Variants in ACE observed in about 807,000 individuals in gnomAD.
The protein encoded by ACE is angiotensin-converting enzyme.
A neutral mutation model predicts 162.3 loss-of-function variants in ACE; 122 were observed. That is an observed-to-expected ratio of 0.75 (90% CI 0.65 to 0.87). ACE has a LOEUF of 0.87. Ranked by LOEUF, ACE falls within the 40% of genes least tolerant of loss-of-function variation. ACE has a pLI of 0.00. For synonymous variants in ACE, 796 were observed against 720.6 expected (o/e 1.10, Z -1.68); for missense variants, 1,799 against 1,735.1 (o/e 1.04, Z -0.65).
At chr17:63,481,810 C>T (rs1170383609) in intron 7 of ACE, 72 bp downstream of exon 7, 37 of 1,600,516 alleles carry the variant, frequency 2.3e-5, no homozygotes, top group Middle Eastern at 1.7e-4. Flanking sequence ...GCAGCCCAGG[C>T]GCAGGGAAGC....
Position 63,497,455 on chromosome 17 carries a change from A to C in ACE, c.*89A>C. ...GTGGGCAGCTGAGGACACACCCCACACCCCAGCCCACCCTGCTCCTCCTGC... is the reference window on the plus strand; with the variant it reads ...GTGGGCAGCTGAGGACACACCCCACCCCCCAGCCCACCCTGCTCCTCCTGC... On this transcript the variant is annotated 3_prime_UTR_variant, in exon 25 of 25. Coordinates refer to ENST00000290866, the MANE Select transcript of ACE (RefSeq NM_000789.4). 8.8e-7 allele frequency: 1 copy of C among 1,136,612 alleles called. No homozygotes were observed. The highest frequency in any genetic ancestry group is 1.3e-6 in the Non-Finnish European group (1 of 783,288). The allele number at this position is 1,136,612 out of a possible 1,614,324, so 70.4% of individuals were successfully genotyped here. A position where few individuals can be genotyped will look rare whatever the true frequency, so the allele number is the denominator to read the frequency against.
rs781610217 is a variant in ACE at position 63,477,353 on chromosome 17, C to A, written c.249+10C>A. The stretch of plus-strand genomic sequence containing the variant: ...GAATGCAAGGCGCCAGGTGGGCGCC[C>A]GGGCCCGGGCGGGGGCGGGGCGGGG... On this transcript the variant is annotated intron_variant, in intron 1 of 24. Transcript: ENST00000290866. The A allele has an allele frequency of 8.3e-7, 1 of 1,210,044 alleles. No homozygotes were observed. The highest frequency in any genetic ancestry group is 1.0e-6 in the Non-Finnish European group (1 of 963,372). The allele number at this position is 1,210,044 out of a possible 1,614,324, so 75.0% of individuals were successfully genotyped here.
rs747313119 is a variant in ACE at position 63,483,949 on chromosome 17, A to G, written c.1687A>G (p.Thr563Ala). 1.2e-6 allele frequency: 2 copies of G among 1,613,984 alleles called. No homozygotes were observed. The highest frequency in any genetic ancestry group is 1.7e-6 in the Non-Finnish European group (2 of 1,179,990). ...PLHQCDIYRS[T>A]KAGAKLRKVL... is the part of the protein sequence containing the mutation. Reference sequence around the variant, plus strand: ...GCACCAGTGTGACATCTACCGGTCCACCAAGGCAGGGGCCAAGCTCCGGTG... The same window carrying G: ...GCACCAGTGTGACATCTACCGGTCCGCCAAGGCAGGGGCCAAGCTCCGGTG... Residue 563 changes from threonine (T) to alanine (A), a missense_variant, in exon 11 of 25, where the codon ACC becomes GCC. Thr to Ala is a moderately conservative substitution (Grantham distance 58, BLOSUM62 0). Coordinates refer to ENST00000290866, the MANE Select transcript of ACE (RefSeq NM_000789.4).
intron 8 of ACE, 97 bp from the exon 9 acceptor site, chr17:63,482,932 C>T (rs1244219298): frequency 7.4e-7 from 1 of 1,346,004 alleles, no homozygotes; most frequent in Non-Finnish European, 1.1e-6. Flanking sequence ...CTGCATCTCC[C>T]TGGCCTCACT....
At chr17:63,479,446 G>T (rs190922156) in intron 3 of ACE, among the ~76,000 whole-genome samples, 145 of 152,104 alleles carry the variant, frequency 9.5e-4, no homozygotes, top group African/African-American at 3.4e-3. Context: ...CTTAAACCCC[G>T]CTCCAGCCCC....
In ACE at chr17:63,489,087, G is replaced by T. The variant is rs1037068942; in HGVS notation, c.2596G>T (p.Ala866Ser). The T allele has an allele frequency of 3.7e-6, 6 of 1,613,184 alleles. No homozygotes were observed. In the African/African-American group the frequency reaches 6.7e-5, roughly 18 times the overall value. ...VRRALHRHYGAQHINLEGPIP... is the reference protein window; with the variant it reads ...VRRALHRHYGSQHINLEGPIP... ...CCGGGCCCTGCACCGTCACTACGGG[G>T]CCCAGCACATCAACCTGGAGGGGCC... The change falls in exon 17 of 25, where the codon GCC becomes TCC. Residue 866 changes from alanine to serine, a missense_variant. Coordinates refer to ENST00000290866, the MANE Select transcript of ACE (RefSeq NM_000789.4).
chr17:63,491,223 G>A lies in ACE; in HGVS notation c.2754G>A (p.Arg918=), dbSNP rs145809210. The A allele has an allele frequency of 1.1e-4, 183 of 1,613,976 alleles. No individual in the cohort carries two copies. Among genetic ancestry groups the A allele is most frequent in the Non-Finnish European group, 1.9e-5 (22 of 1,180,034 alleles). ...EAMLKQGWTP[R]RMFKEADDFF... ...TCTGCTTGCAGGGCTGGACGCCCAG[G>A]AGGATGTTTAAGGAGGCTGATGATT... The change falls in exon 19 of 25, where the codon AGG becomes AGA. Residue 918 remains arginine (R), a synonymous_variant. Transcript: ENST00000290866. This position sits in a 1 kb window ranked among gnomAD's most constrained non-coding sequence, Gnocchi z 4.4.
intron 13 of ACE, chr17:63,485,753 C>T (rs537878181): frequency 5.9e-4 from 148 of 250,894 alleles, no homozygotes; most frequent in African/African-American, 3.1e-3. Context: ...CCAGCCTGGG[C>T]GACAGAGCGA....
At position 63,497,221 on chromosome 17, in the gene ACE, A is replaced by C. The variant is rs756978461; in HGVS notation, c.3776A>C (p.Gln1259Pro). ...GATGCGCAGCAGGCCCGCGTGGGCC[A>C]GTGGCTGCTGCTCTTCCTGGGCATC... ...DLDAQQARVG[Q>P]WLLLFLGIAL... The change falls in exon 25 of 25, where the codon CAG becomes CCG. Residue 1259 changes from glutamine to proline, a missense_variant. By Grantham distance (76) the Gln-to-Pro change is moderately conservative. Transcript: ENST00000290866. The C allele has an allele frequency of 6.3e-7, 1 of 1,595,392 alleles. No individual in the cohort carries two copies. Among genetic ancestry groups the C allele is most frequent in the South Asian group, 1.1e-5 (1 of 88,806 alleles).
In ACE at chr17:63,480,029, G is replaced by C. The variant is rs528135460; in HGVS notation, c.655+117G>C. The C allele has an allele frequency of 2.7e-6, 4 of 1,464,600 alleles. No homozygotes were observed. The African/African-American group carries it at 4.2e-5, about 15-fold the overall frequency. 90.7% of individuals were successfully genotyped at this position (1,464,600 alleles called of 1,614,324 possible). A position where few individuals can be genotyped will look rare whatever the true frequency, so the allele number is the denominator to read the frequency against. ...TGGTATGACAATTCCAGCAGGCCCT[G>C]AGTTTCCCAGAAAGTGGAGGTGGGA... On this transcript the variant is annotated intron_variant, in intron 4 of 24. Transcript: ENST00000290866.
chr17:63,482,226 G>A (rs1357580539), intron 7 of ACE, among the ~76,000 whole-genome samples: 4 of 152,034 alleles, frequency 2.6e-5, no homozygotes, highest in South Asian at 2.1e-4. Context: ...TCTTGAACCC[G>A]GGAGGCGGAG....
intron 19 of ACE, among the ~76,000 whole-genome samples, chr17:63,492,126 C>T (rs1351060412): frequency 2.0e-5 from 3 of 152,142 alleles, no homozygotes; most frequent in Admixed American, 1.3e-4. Context: ...ATGGCTGGAA[C>T]GGCTGGAGGT....
Position 63,491,977 on chromosome 17 carries a change from G to A in ACE, c.2912+596G>A, listed in dbSNP as rs2030416884. ...CTGTTGGGGGCAGCTCTCACAGCCG[G>A]GATGGCTCAATGGGGGCCATACGTC... On this transcript the variant is annotated intron_variant, in intron 19 of 24. Coordinates refer to ENST00000290866, the MANE Select transcript of ACE (RefSeq NM_000789.4). This position sits in a 1 kb window ranked among gnomAD's most constrained non-coding sequence, Gnocchi z 4.4. Among the ~76,000 whole-genome samples, 1 of 152,194 alleles carries A rather than the reference G, an allele frequency of 6.6e-6. No homozygotes were observed. Among genetic ancestry groups the A allele is most frequent in the African/African-American group, 2.4e-5 (1 of 41,448 alleles).
In ACE at chr17:63,481,560, C is replaced by G. The variant is rs375707347; in HGVS notation, c.946-6C>G. The G allele has an allele frequency of 1.9e-6, 3 of 1,613,760 alleles. No homozygotes were observed. The highest frequency in any genetic ancestry group is 1.3e-5 in the African/African-American group (1 of 75,066). ...CCCCTGACCTGGCTCCACACCCCTC[C>G]TCCAGGGCTGGAACGCCACGCACAT... On this transcript the variant is annotated splice_region_variant and splice_polypyrimidine_tract_variant and intron_variant, in intron 6 of 24. Coordinates refer to ENST00000290866, the MANE Select transcript of ACE (RefSeq NM_000789.4).
chr17:63,490,821 A>G (rs933323687), intron 17 of ACE, 133 bp from the exon 18 acceptor site: 1 of 863,474 alleles, frequency 1.2e-6, no homozygotes, highest in Non-Finnish European at 2.0e-6. Flanking sequence ...CAAAGCTTGC[A>G]AACAGTAGGT....
Position 63,494,029 on chromosome 17 carries a change from A to T in ACE, c.3244A>T (p.Thr1082Ser). Residue 1082 changes from threonine to serine, a missense_variant, in exon 21 of 25, where the codon ACC becomes TCC. Transcript: ENST00000290866. ...CTGGAGGGTATTTGATGGAAGCATC[A>T]CCAAGGAGAACTATAACCAGGAGTG... Reference protein sequence around the residue: ...WRWRVFDGSITKENYNQEWWS... With the variant: ...WRWRVFDGSISKENYNQEWWS... 6.2e-7 allele frequency: 1 copy of T among 1,614,104 alleles called. No homozygotes were observed. Among genetic ancestry groups the T allele is most frequent in the Non-Finnish European group, 8.5e-7 (1 of 1,180,024 alleles).
rs2029864353 is a variant in ACE, at chr17:63,484,760, C to T, written c.1921+219C>T. The T allele has an allele frequency of 6.8e-7, 1 of 1,471,202 alleles. No individual in the cohort carries two copies. Among genetic ancestry groups the T allele is most frequent in the Non-Finnish European group, 9.0e-7 (1 of 1,113,766 alleles). 91.1% of individuals were successfully genotyped at this position (1,471,202 alleles called of 1,614,324 possible). On this transcript the variant is annotated intron_variant, in intron 12 of 24. Coordinates refer to ENST00000290866, the MANE Select transcript of ACE (RefSeq NM_000789.4). This position sits in a 1 kb window ranked among gnomAD's most constrained non-coding sequence, Gnocchi z 4.0. ...GAGGGTGTGCTCAGACCTGAGGGCC[C>T]CTCCCCTTCCAGAGGAAGCCAGACA...
Position 63,481,134 on chromosome 17 carries a change from G to T in ACE, c.891G>T (p.Val297=). ...GCTGGGAAAACATCTACGACATGGT[G>T]GTGCCTTTCCCAGACAAGCCCAACC... ...AQSWENIYDM[V]VPFPDKPNLD... is the part of the protein sequence containing the mutation. Residue 297 remains valine, a synonymous_variant, in exon 6 of 25, where the codon GTG becomes GTT. Coordinates refer to ENST00000290866, the MANE Select transcript of ACE (RefSeq NM_000789.4). 6.2e-7 allele frequency: 1 copy of T among 1,613,972 alleles called. No individual in the cohort carries two copies. Among genetic ancestry groups the T allele is most frequent in the Non-Finnish European group, 8.5e-7 (1 of 1,179,984 alleles).
In ACE at chr17:63,485,518, C is replaced by T. The variant is rs4322; in HGVS notation, c.2058+146C>T. On this transcript the variant is annotated intron_variant, in intron 13 of 24. Transcript: ENST00000290866. ...ATTTCGGGCCGGGCGCGGTGGCTCA[C>T]GCCTGTAATCCCAGCACTTTGGGAG... 997 of 1,155,252 alleles carry T rather than the reference C, an allele frequency of 8.6e-4. 8 individuals carry two copies. The African/African-American group carries it at 0.011, about 13-fold the overall frequency. The allele number at this position is 1,155,252 out of a possible 1,614,324, so 71.6% of individuals were successfully genotyped here. A position where few individuals can be genotyped will look rare whatever the true frequency, so the allele number is the denominator to read the frequency against.
Sources: gnomAD v4.1 joint callset for allele counts (sites outside exome capture counted in the v4.1 genomes callset) on GRCh38, gnomAD v4.1.1 for gene constraint, Gnocchi (gnomAD v3.1) non-coding constraint, MANE v1.5 for transcripts, NCBI Gene and HGNC (gene_info 2026-07-23, HGNC 2026-07-21) for gene names.